ROBO1: variants seen among roughly 807,000 people sequenced by gnomAD.
ROBO1 encodes roundabout homolog 1.
A neutral mutation model predicts 195.9 loss-of-function variants in ROBO1; 149 were observed. That is an observed-to-expected ratio of 0.76 (90% CI 0.67 to 0.87). The LOEUF is 0.87. Ranked by LOEUF, ROBO1 falls within the 40% of genes least tolerant of loss-of-function variation. ROBO1 has a pLI of 0.00. For synonymous variants in ROBO1, 816 were observed against 733.2 expected (o/e 1.11, Z -1.82); for missense variants, 1,933 against 2,068.3 (o/e 0.93, Z 1.27).
At chr3:79,255,146 T>C (rs1429693010) in intron 2 of ROBO1, among the ~76,000 whole-genome samples, 1 of 152,068 alleles carries the variant, frequency 6.6e-6, no homozygotes, top group East Asian at 1.9e-4. Context: ...AAAGCCAGGA[T>C]GAAAAATCAA....
intron 2 of ROBO1, among the ~76,000 whole-genome samples, chr3:79,168,219 C>T (rs78039047): frequency 0.017 from 2,616 of 152,182 alleles, 74 homozygotes; most frequent in African/African-American, 0.058. Flanking sequence ...TGACAGTTTA[C>T]CCAATGAGAG....
chr3:79,505,028 GAA>G (rs34568321), intron 2 of ROBO1, among the ~76,000 whole-genome samples: 9 of 149,308 alleles, frequency 6.0e-5, no homozygotes, highest in South Asian at 2.1e-4. Context: ...ATACCTCCCT[GAA>G]AAAAAAAAAC....
chr3:78,938,832 T>C lies in ROBO1; in HGVS notation c.268A>G (p.Lys90Glu). 1 of 1,614,020 alleles carries C rather than the reference T, an allele frequency of 6.2e-7. No homozygotes were observed. ...GTGGGTGTGGGGCGGCCTTCAGCTTTGCAGTTCAAAGTTGCAGGTTCTCCT... is the reference window on the plus strand; with the variant it reads ...GTGGGTGTGGGGCGGCCTTCAGCTTCGCAGTTCAAAGTTGCAGGTTCTCCT... The part of the protein sequence containing the change: ...SKGEPATLNC[K>E]AEGRPTPTIE... Residue 90 changes from lysine to glutamate, a missense_variant, in exon 4 of 31, where the codon AAA becomes GAA. This residue lies in a region of ROBO1 where 185 missense variants were observed against 159.5 expected (regional missense o/e 1.16). Transcript: ENST00000464233.
At chr3:79,426,132 G>A (rs180798621) in intron 2 of ROBO1, among the ~76,000 whole-genome samples, 76 of 152,074 alleles carry the variant, frequency 5.0e-4, no homozygotes, top group African/African-American at 1.7e-3. Context: ...AGCACAATTC[G>A]AAAAATTCAC....
chr3:79,005,499 A>C (rs2077599574), intron 3 of ROBO1, among the ~76,000 whole-genome samples: 1 of 152,230 alleles, frequency 6.6e-6, no homozygotes. Context: ...TATTTTTCTT[A>C]AATTTTGCAA....
intron 3 of ROBO1, among the ~76,000 whole-genome samples, chr3:79,020,784 G>T (rs895187918): frequency 6.6e-6 from 1 of 152,104 alleles, no homozygotes; most frequent in Admixed American, 6.5e-5. Flanking sequence ...TATCTACAGA[G>T]TTGTGTACCA....
chr3:78,599,711 T>C (rs1395901446), intron 30 of ROBO1, among the ~76,000 whole-genome samples: 1 of 152,158 alleles, frequency 6.6e-6, no homozygotes, highest in Non-Finnish European at 1.5e-5. Context: ...CCAGCCACAT[T>C]ACCCTGGTGC....
At chr3:79,392,081 GA>G (rs2036974943) in intron 2 of ROBO1, among the ~76,000 whole-genome samples, 1 of 152,136 alleles carries the variant, frequency 6.6e-6, no homozygotes, top group Non-Finnish European at 1.5e-5. Context: ...TTGAAAGGGG[GA>G]AAAAAGTGGA....
chr3:79,628,350 G>A (rs1256323186), intron 1 of ROBO1, among the ~76,000 whole-genome samples: 3 of 152,244 alleles, frequency 2.0e-5, no homozygotes, highest in Non-Finnish European at 4.4e-5. Flanking sequence ...GGATGAAGCT[G>A]GAAGCCATAA....
intron 29 of ROBO1, among the ~76,000 whole-genome samples, chr3:78,603,806 T>C (rs1703314408): frequency 6.6e-6 from 1 of 152,164 alleles, no homozygotes; most frequent in Non-Finnish European, 1.5e-5. Flanking sequence ...AAGCAGAGCA[T>C]ATAAAATAAT....
At chr3:79,690,671 C>A (rs567216496) in intron 1 of ROBO1, among the ~76,000 whole-genome samples, 286 of 152,040 alleles carry the variant, frequency 1.9e-3, no homozygotes, top group Non-Finnish European at 2.8e-3. Context: ...CATGTTTTAT[C>A]CTGTAATCCC....
chr3:79,597,049 A>G (rs559498166), intron 1 of ROBO1, among the ~76,000 whole-genome samples: 1 of 152,152 alleles, frequency 6.6e-6, no homozygotes, highest in South Asian at 2.1e-4. Flanking sequence ...GTTAAAAAAT[A>G]CATATGTCAT....
At position 78,917,200 on chromosome 3, in the gene ROBO1, G is replaced by C. The variant is rs1193941379; in HGVS notation, c.499+21401C>G. On this transcript the variant is annotated intron_variant, in intron 4 of 30. Coordinates refer to ENST00000464233, the MANE Select transcript of ROBO1 (RefSeq NM_002941.4). Reference sequence around the variant, plus strand: ...CAACCTCTGCCTCCCGGGTTCAAGCGATTCTCCTGCCTCAGCCTCCTAAGT... The same window carrying C: ...CAACCTCTGCCTCCCGGGTTCAAGCCATTCTCCTGCCTCAGCCTCCTAAGT... Among the ~76,000 whole-genome samples, 3 of 145,346 alleles carry C rather than the reference G, an allele frequency of 2.1e-5. 1 individual carries two copies. The highest frequency in any genetic ancestry group is 4.5e-5 in the Non-Finnish European group (3 of 66,700).
At chr3:79,737,900 C>A (rs1007425240) in intron 1 of ROBO1, among the ~76,000 whole-genome samples, 2 of 152,138 alleles carry the variant, frequency 1.3e-5, no homozygotes, top group African/African-American at 4.8e-5. Flanking sequence ...CCTTGAGTTG[C>A]TTATTCCTTT....
intron 4 of ROBO1, among the ~76,000 whole-genome samples, chr3:78,834,392 G>A (rs115264223): frequency 6.6e-6 from 1 of 150,458 alleles, no homozygotes; most frequent in African/African-American, 2.4e-5. Context: ...ATGGACAGAA[G>A]GAAAGAATAA....
chr3:78,990,656 T>C (rs1015036541), intron 3 of ROBO1, among the ~76,000 whole-genome samples: 4 of 152,292 alleles, frequency 2.6e-5, no homozygotes, highest in Admixed American at 1.3e-4. Context: ...GAGTAAGGTA[T>C]GTATATTCTT....
intron 1 of ROBO1, among the ~76,000 whole-genome samples, chr3:79,715,100 G>A (rs1702432139): frequency 6.6e-6 from 1 of 152,020 alleles, no homozygotes; most frequent in Non-Finnish European, 1.5e-5. Context: ...TTATGAATTA[G>A]CAAAGACAAT....
At chr3:79,733,882 A>C (rs1410493972) in intron 1 of ROBO1, among the ~76,000 whole-genome samples, 1 of 151,664 alleles carries the variant, frequency 6.6e-6, no homozygotes, top group Non-Finnish European at 1.5e-5. Flanking sequence ...TTTCCCCCTT[A>C]CATAACACTG....
At position 79,418,006 on chromosome 3, in the gene ROBO1, C is replaced by A. The variant is rs774483806; in HGVS notation, c.88+171818G>T. On this transcript the variant is annotated intron_variant, in intron 2 of 30. Coordinates refer to ENST00000464233, the MANE Select transcript of ROBO1 (RefSeq NM_002941.4). Reference sequence around the variant, plus strand: ...ATGGCCTCTTCATAAGATAGATAGCCCTATGAAGCCCCTAGCACAGCACTG... The same window carrying A: ...ATGGCCTCTTCATAAGATAGATAGCACTATGAAGCCCCTAGCACAGCACTG... Among the ~76,000 whole-genome samples the A allele has an allele frequency of 1.8e-4, 28 of 152,098 alleles. 1 individual carries two copies. The highest frequency in any genetic ancestry group is 5.9e-5 in the Non-Finnish European group (4 of 68,018).
Sources: gnomAD v4.1 joint callset for allele counts (sites outside exome capture counted in the v4.1 genomes callset) on GRCh38, gnomAD v4.1.1 for gene constraint, gnomAD v4.1.1 regional missense constraint, MANE v1.5 for transcripts, NCBI Gene and HGNC (gene_info 2026-07-23, HGNC 2026-07-21) for gene names.